The following HS2ST1 variants were observed in gnomAD, a reference collection of about 807,000 sequenced individuals.
The protein encoded by HS2ST1 is heparan sulfate 2-O-sulfotransferase 1, also known as 2-O-sulfotransferase.
Under a neutral mutation model 42.9 loss-of-function variants are expected in HS2ST1, and 18 were observed. That is an observed-to-expected ratio of 0.42 (90% CI 0.29 to 0.62). The LOEUF (loss-of-function observed/expected upper bound fraction) is 0.62. Among genes scored for constraint, HS2ST1 ranks in the 20% least tolerant of loss-of-function variants. The probability of loss-of-function intolerance (pLI) is 0.21; values close to 1 mark genes in which losing one functional copy is unlikely to be tolerated. For missense variants in HS2ST1, 334 were observed against 433.8 expected (o/e 0.77, Z 2.04); for synonymous variants, 146 against 152.9 (o/e 0.95, Z 0.33).
chr1:87,004,933 G>C (rs964766763), intron 1 of HS2ST1, among the ~76,000 whole-genome samples: 1 of 152,102 alleles, frequency 6.6e-6, no homozygotes, highest in Non-Finnish European at 1.5e-5. Flanking sequence ...TTTTAATTAG[G>C]TCATCCTTGG....
chr1:86,959,423 A>T (rs1348906168), intron 1 of HS2ST1, among the ~76,000 whole-genome samples: 2 of 152,174 alleles, frequency 1.3e-5, no homozygotes, highest in Non-Finnish European at 2.9e-5. Flanking sequence ...TTTGGGAGGC[A>T]GAGGTGGGCG....
intron 1 of HS2ST1, among the ~76,000 whole-genome samples, chr1:87,029,327 A>C (rs939533489): frequency 6.6e-6 from 1 of 152,168 alleles, no homozygotes; most frequent in Admixed American, 6.5e-5. Flanking sequence ...ATTTCTACAC[A>C]TGGTTTCTGT....
chr1:87,019,873 A>G (rs896556539), intron 1 of HS2ST1, among the ~76,000 whole-genome samples: 2 of 152,218 alleles, frequency 1.3e-5, no homozygotes, highest in African/African-American at 4.8e-5. Context: ...CATCTGTTCT[A>G]CAGAGTGTGT....
At chr1:86,993,576 A>G (rs1649018926) in intron 1 of HS2ST1, among the ~76,000 whole-genome samples, 1 of 152,242 alleles carries the variant, frequency 6.6e-6, no homozygotes, top group African/African-American at 2.4e-5. Flanking sequence ...TACCAGTACC[A>G]TATAAAAATA....
chr1:86,968,458 G>A (rs984816614), intron 1 of HS2ST1, among the ~76,000 whole-genome samples: 15 of 150,342 alleles, frequency 1.0e-4, no homozygotes, highest in Non-Finnish European at 2.1e-4. Context: ...GTCTCACTCT[G>A]TTACCCAGGC....
rs533200444 is a variant in HS2ST1, at chr1:87,090,202, C to T, written c.450-2329C>T. ...GCTTTTGTTAGTGGCTAATTCACAA[C>T]GGTCTCCTCAACCTAATTCTATTAA... On this transcript the variant is annotated intron_variant, in intron 3 of 6. Coordinates refer to ENST00000370550, the MANE Select transcript of HS2ST1 (RefSeq NM_012262.4). Among the ~76,000 whole-genome samples, 23 of 152,128 alleles carry T rather than the reference C, an allele frequency of 1.5e-4. No homozygotes were observed. In the East Asian group the frequency reaches 4.3e-3, roughly 28 times the overall value.
At chr1:86,994,050 A>G (rs551393562) in intron 1 of HS2ST1, among the ~76,000 whole-genome samples, 57 of 152,306 alleles carry the variant, frequency 3.7e-4, no homozygotes, top group Non-Finnish European at 6.6e-4. Context: ...GTTTTCCTCC[A>G]GATACTTAAC....
intron 1 of HS2ST1, among the ~76,000 whole-genome samples, chr1:86,942,174 G>GAA: frequency 6.6e-6 from 1 of 152,288 alleles, no homozygotes; most frequent in South Asian, 2.1e-4. Flanking sequence ...AATGTGTGTT[G>GAA]AAATGTGATT....
rs529251394 is a variant in HS2ST1, at chr1:86,929,126, A to G, written c.124+13966A>G. Among the ~76,000 whole-genome samples, 13 of 151,984 alleles carry G rather than the reference A, an allele frequency of 8.6e-5. No individual in the cohort carries two copies. The South Asian group carries it at 2.3e-3, about 27-fold the overall frequency. On this transcript the variant is annotated intron_variant, in intron 1 of 6. Transcript: ENST00000370550. Reference sequence around the variant, plus strand: ...TACTTGTTTTTGCTTTCTTCAGAGAATTGCTGTGAAGTTAAATGATGTTCA... The same window carrying G: ...TACTTGTTTTTGCTTTCTTCAGAGAGTTGCTGTGAAGTTAAATGATGTTCA...
chr1:86,933,608 C>T (rs1344926912), intron 1 of HS2ST1, among the ~76,000 whole-genome samples: 3 of 152,098 alleles, frequency 2.0e-5, no homozygotes, highest in Admixed American at 2.0e-4. Context: ...ACTAAATTCT[C>T]ACAGTGATGA....
chr1:86,935,452 CTCCT>C (rs1279585676), intron 1 of HS2ST1, among the ~76,000 whole-genome samples: 1 of 123,840 alleles, frequency 8.1e-6, no homozygotes, highest in Non-Finnish European at 1.7e-5. Context: ...TTTTCTTTTT[CTCCT>C]TTTTTTTTTT....
intron 1 of HS2ST1, among the ~76,000 whole-genome samples, chr1:86,930,051 G>GA (rs1472653621): frequency 4.6e-5 from 7 of 151,756 alleles, no homozygotes; most frequent in African/African-American, 1.7e-4. Flanking sequence ...TTGGTAGACT[G>GA]AAATGGTGGA....
chr1:86,925,907 T>C (rs1660407204), intron 1 of HS2ST1, among the ~76,000 whole-genome samples: 1 of 152,214 alleles, frequency 6.6e-6, no homozygotes, highest in African/African-American at 2.4e-5. Flanking sequence ...TATTTTCTTC[T>C]TTACGTGTCT....
chr1:87,088,817 A>G (rs1651873558), intron 3 of HS2ST1, among the ~76,000 whole-genome samples: 1 of 151,978 alleles, frequency 6.6e-6, no homozygotes, highest in African/African-American at 2.4e-5. Context: ...AAAAATATTT[A>G]TTTACACTAT....
intron 1 of HS2ST1, among the ~76,000 whole-genome samples, chr1:86,933,526 C>T (rs12217117): frequency 6.6e-6 from 1 of 152,074 alleles, no homozygotes; most frequent in Non-Finnish European, 1.5e-5. Flanking sequence ...ATGTCTCTGC[C>T]TACAGTGGGC....
At chr1:86,937,601 C>T (rs1660682851) in intron 1 of HS2ST1, among the ~76,000 whole-genome samples, 1 of 152,098 alleles carries the variant, frequency 6.6e-6, no homozygotes, top group Non-Finnish European at 1.5e-5. Context: ...GGAATGCCTT[C>T]CTCTCCTACA....
chr1:86,930,951 A>G (rs1023125083), intron 1 of HS2ST1, among the ~76,000 whole-genome samples: 6 of 152,146 alleles, frequency 3.9e-5, no homozygotes, highest in Admixed American at 3.3e-4. Context: ...TTGTGTGAGT[A>G]CTTTTTGAAA....
Position 87,018,132 on chromosome 1 carries a change from C to CCACACACACA in HS2ST1, c.125-54779_125-54770dup, listed in dbSNP as rs56401098. 1.7e-3 allele frequency among the ~76,000 whole-genome samples: 253 copies of CCACACACACA among 149,342 alleles called. 2 individuals are homozygous for CCACACACACA. The highest frequency in any genetic ancestry group is 6.1e-3 in the African/African-American group (247 of 40,458). On this transcript the variant is annotated intron_variant, in intron 1 of 6. Coordinates refer to ENST00000370550, the MANE Select transcript of HS2ST1 (RefSeq NM_012262.4). ...TTTACCCTTCAAAGATAAATAAAAG[C>CCACACACACA]CACACACACACACACACACACACAC...
chr1:87,086,128 C>G (rs1326515547), intron 3 of HS2ST1, among the ~76,000 whole-genome samples: 1 of 152,136 alleles, frequency 6.6e-6, no homozygotes, highest in African/African-American at 2.4e-5. Context: ...TAGCCATATG[C>G]TCCATAAATG....
Sources: gnomAD v4.1 joint callset for allele counts (sites outside exome capture counted in the v4.1 genomes callset) on GRCh38, gnomAD v4.1.1 for gene constraint, MANE v1.5 for transcripts, NCBI Gene and HGNC (gene_info 2026-07-23, HGNC 2026-07-21) for gene names.